The following NXPH1 variants were observed in gnomAD, a reference collection of about 807,000 sequenced individuals.
NXPH1 encodes the protein neurexophilin-1.
NXPH1 carries 5 observed loss-of-function variants against 23.7 expected under a neutral mutation model. That is an observed-to-expected ratio of 0.21 (90% CI 0.11 to 0.44). The LOEUF (loss-of-function observed/expected upper bound fraction) is 0.44. Among genes scored for constraint, NXPH1 ranks in the 20% least tolerant of loss-of-function variants. The probability of loss-of-function intolerance (pLI) is 0.99; values close to 1 mark genes in which losing one functional copy is unlikely to be tolerated. For missense variants in NXPH1, 324 were observed against 321.6 expected (o/e 1.01, Z -0.06); for synonymous variants, 144 against 122.2 (o/e 1.18, Z -1.18).
At position 8,483,253 on chromosome 7, in the gene NXPH1, C is replaced by T. The variant is rs969172318; in HGVS notation, c.54+47486C>T. Among the ~76,000 whole-genome samples, 3 of 152,152 alleles carry T rather than the reference C, an allele frequency of 2.0e-5. No homozygotes were observed. In the East Asian group the frequency reaches 5.8e-4, roughly 29 times the overall value. ...TAATATCTTGGTTGTTTGGGCTCTA[C>T]ATCCATATTTATAAAATTATGAGGT... On this transcript the variant is annotated intron_variant, in intron 2 of 2. Transcript: ENST00000405863.
At chr7:8,556,647 G>A (rs1562401211) in intron 2 of NXPH1, among the ~76,000 whole-genome samples, 1 of 151,608 alleles carries the variant, frequency 6.6e-6, no homozygotes, top group Non-Finnish European at 1.5e-5. Context: ...CTCTTTTTGG[G>A]GGAGTAACAT....
intron 2 of NXPH1, among the ~76,000 whole-genome samples, chr7:8,467,597 G>T (rs1485609834): frequency 6.6e-6 from 1 of 152,130 alleles, no homozygotes; most frequent in Non-Finnish European, 1.5e-5. Flanking sequence ...AGCGGTGGGG[G>T]CTAGCACATA....
intron 2 of NXPH1, among the ~76,000 whole-genome samples, chr7:8,448,818 G>GAAA (rs34098217): frequency 7.5e-4 from 80 of 106,058 alleles, no homozygotes; most frequent in Non-Finnish European, 5.2e-4. Flanking sequence ...TCGTCTCGGG[G>GAAA]AAAAAAAAAA....
At chr7:8,566,571 T>C (rs918428670) in intron 2 of NXPH1, among the ~76,000 whole-genome samples, 1 of 151,790 alleles carries the variant, frequency 6.6e-6, no homozygotes, top group Non-Finnish European at 1.5e-5. Flanking sequence ...CTGTCTCTCC[T>C]GGAGCTGGGA....
intron 2 of NXPH1, among the ~76,000 whole-genome samples, chr7:8,681,526 C>G (rs1473582533): frequency 6.6e-6 from 1 of 152,090 alleles, no homozygotes; most frequent in African/African-American, 2.4e-5. Flanking sequence ...CTGACGTTTG[C>G]TGCATCCACT....
In NXPH1 at chr7:8,602,957, C is replaced by T. The variant is rs1052635716; in HGVS notation, c.55-148051C>T. 3.3e-5 allele frequency among the ~76,000 whole-genome samples: 5 copies of T among 152,068 alleles called. No homozygotes were observed. The East Asian group carries it at 5.8e-4, about 18-fold the overall frequency. On this transcript the variant is annotated intron_variant, in intron 2 of 2. Transcript: ENST00000405863. ...TCCCGAGTAGCTGGGATTACAGGCG[C>T]CCACCACCATGCACAGCTAATTTTT...
intron 2 of NXPH1, among the ~76,000 whole-genome samples, chr7:8,490,976 A>G (rs542115785): frequency 6.6e-6 from 1 of 152,230 alleles, no homozygotes; most frequent in East Asian, 1.9e-4. Flanking sequence ...ATAGGTTGAC[A>G]GACATTTTGA....
intron 2 of NXPH1, among the ~76,000 whole-genome samples, chr7:8,555,892 A>G (rs891840910): frequency 3.9e-4 from 59 of 151,686 alleles, no homozygotes; most frequent in African/African-American, 1.3e-3. Flanking sequence ...TCTCCTGTCT[A>G]TGTCCTATGT....
intron 2 of NXPH1, among the ~76,000 whole-genome samples, chr7:8,581,611 A>G (rs1818874514): frequency 6.6e-6 from 1 of 152,212 alleles, no homozygotes; most frequent in African/African-American, 2.4e-5. Flanking sequence ...GAGTGGGGAT[A>G]CAAATCCAAA....
chr7:8,443,138 C>G (rs1816331316), intron 2 of NXPH1, among the ~76,000 whole-genome samples: 1 of 152,220 alleles, frequency 6.6e-6, no homozygotes, highest in Admixed American at 6.5e-5. Context: ...ACCCGCCTAC[C>G]CCTTCCAGCT....
chr7:8,710,857 T>A (rs940959981), intron 2 of NXPH1, among the ~76,000 whole-genome samples: 2 of 118,960 alleles, frequency 1.7e-5, no homozygotes, highest in Non-Finnish European at 3.2e-5. Flanking sequence ...AGAGACGGGG[T>A]TTCACCGTGT....
intron 2 of NXPH1, among the ~76,000 whole-genome samples, chr7:8,460,979 T>C (rs1816685075): frequency 6.6e-6 from 1 of 152,228 alleles, no homozygotes; most frequent in South Asian, 2.1e-4. Context: ...CTTTTGGCTA[T>C]TTGTGTTTGG....
At chr7:8,437,404 G>C (rs1420360675) in intron 2 of NXPH1, among the ~76,000 whole-genome samples, 1 of 138,740 alleles carries the variant, frequency 7.2e-6, no homozygotes, top group Non-Finnish European at 1.6e-5. Flanking sequence ...GGGGGCGGGG[G>C]GGAGGTAATT....
At chr7:8,695,980 T>G (rs1260063212) in intron 2 of NXPH1, among the ~76,000 whole-genome samples, 1 of 152,208 alleles carries the variant, frequency 6.6e-6, no homozygotes, top group Non-Finnish European at 1.5e-5. Context: ...GTCCAGGGAT[T>G]TGGAAGCATA....
At chr7:8,570,284 T>G (rs1237868670) in intron 2 of NXPH1, among the ~76,000 whole-genome samples, 1 of 151,962 alleles carries the variant, frequency 6.6e-6, no homozygotes, top group Non-Finnish European at 1.5e-5. Context: ...GGAGGCAGCA[T>G]AGTTAAGATG....
intron 2 of NXPH1, among the ~76,000 whole-genome samples, chr7:8,725,119 G>A (rs1012798923): frequency 6.6e-6 from 1 of 152,126 alleles, no homozygotes; most frequent in Non-Finnish European, 1.5e-5. Context: ...AATTCTCAAG[G>A]GAATAGTTTT....
chr7:8,640,722 A>T (rs183454896), intron 2 of NXPH1, among the ~76,000 whole-genome samples: 108 of 152,288 alleles, frequency 7.1e-4, no homozygotes, highest in Non-Finnish European at 1.3e-3. Flanking sequence ...TTGGGAGGTC[A>T]AGGCAGGAGG....
At chr7:8,615,328 T>C (rs1340944075) in intron 2 of NXPH1, among the ~76,000 whole-genome samples, 1 of 152,058 alleles carries the variant, frequency 6.6e-6, no homozygotes, top group Non-Finnish European at 1.5e-5. Flanking sequence ...TTATTGGCTA[T>C]GTAATTAACC....
intron 2 of NXPH1, among the ~76,000 whole-genome samples, chr7:8,715,156 G>C (rs1006856873): frequency 9.9e-5 from 15 of 152,152 alleles, no homozygotes; most frequent in Admixed American, 4.6e-4. Flanking sequence ...GGCTATGGCT[G>C]GTCCAAATGC....
Sources: allele counts gnomAD v4.1 joint callset (sites outside exome capture counted in the v4.1 genomes callset), GRCh38; gene constraint gnomAD v4.1.1; transcripts MANE v1.5; gene names NCBI Gene and HGNC (gene_info 2026-07-23, HGNC 2026-07-21).